GPC5: variants seen among roughly 807,000 people sequenced by gnomAD.
The protein encoded by GPC5 is glypican-5.
A neutral mutation model predicts 53.9 loss-of-function variants in GPC5; 47 were observed. The observed-to-expected ratio is 0.87, with a 90% confidence interval of 0.69 to 1.11. GPC5 has a LOEUF of 1.11. Among genes scored for constraint, GPC5 ranks in the 50% most tolerant of loss-of-function variants. The probability of loss-of-function intolerance (pLI) is 0.00; values close to 1 mark genes in which losing one functional copy is unlikely to be tolerated. For missense variants in GPC5, 748 were observed against 713.1 expected (o/e 1.05, Z -0.56); for synonymous variants, 286 against 263.3 (o/e 1.09, Z -0.84).
At chr13:91,570,173 TC>T (rs2138986860) in intron 2 of GPC5, among the ~76,000 whole-genome samples, 1 of 152,282 alleles carries the variant, frequency 6.6e-6, no homozygotes, top group African/African-American at 2.4e-5. Flanking sequence ...TCTATGTCCA[TC>T]CCGACAAATA....
At position 92,489,467 on chromosome 13, in the gene GPC5, C is replaced by T. The variant is rs149067617; in HGVS notation, c.1561+344478C>T. Among the ~76,000 whole-genome samples, 18 of 152,030 alleles carry T rather than the reference C, an allele frequency of 1.2e-4. No homozygotes were observed. In the East Asian group the frequency reaches 3.5e-3, roughly 29 times the overall value. ...GAGAAGAATTAGGCAAGGTAATTTG[C>T]ATAAAAATTGTGAGATGAGATGGAG... On this transcript the variant is annotated intron_variant, in intron 7 of 7. Transcript: ENST00000377067.
intron 7 of GPC5, among the ~76,000 whole-genome samples, chr13:92,386,307 A>G (rs974639370): frequency 2.0e-5 from 3 of 152,044 alleles, no homozygotes; most frequent in African/African-American, 7.2e-5. Context: ...TTAGCTCTAC[A>G]TAGAGAAACA....
chr13:91,813,692 A>T (rs925484682), intron 5 of GPC5, among the ~76,000 whole-genome samples: 3 of 152,156 alleles, frequency 2.0e-5, no homozygotes, highest in Non-Finnish European at 2.9e-5. Flanking sequence ...CATTGAACTG[A>T]TTCAAATTTC....
chr13:92,663,141 G>A (rs992748156), intron 7 of GPC5, among the ~76,000 whole-genome samples: 9 of 152,136 alleles, frequency 5.9e-5, no homozygotes, highest in Admixed American at 5.9e-4. Flanking sequence ...CCTACCTCAG[G>A]TGAGGGAAGT....
At chr13:91,456,153 C>A (rs992860575) in intron 2 of GPC5, among the ~76,000 whole-genome samples, 2 of 152,040 alleles carry the variant, frequency 1.3e-5, no homozygotes, top group Non-Finnish European at 2.9e-5. Context: ...AAATACCCAC[C>A]GCAGGGCTCT....
At chr13:91,896,722 T>G (rs1444291432) in intron 5 of GPC5, among the ~76,000 whole-genome samples, 1 of 152,152 alleles carries the variant, frequency 6.6e-6, no homozygotes, top group Non-Finnish European at 1.5e-5. Context: ...ATGCACATTT[T>G]TCCTATACTG....
At chr13:92,402,727 CA>C (rs11343984) in intron 7 of GPC5, among the ~76,000 whole-genome samples, 1,609 of 152,202 alleles carry the variant, frequency 0.011, 30 homozygotes, top group African/African-American at 0.037. Flanking sequence ...AAGTGGAAGC[CA>C]AAAAGCTTCT....
chr13:92,071,382 G>A (rs1416066548), intron 6 of GPC5, among the ~76,000 whole-genome samples: 1 of 152,068 alleles, frequency 6.6e-6, no homozygotes, highest in Non-Finnish European at 1.5e-5. Flanking sequence ...TTCAAGTTCA[G>A]ATAAACTATT....
intron 5 of GPC5, among the ~76,000 whole-genome samples, chr13:91,874,612 T>G (rs2039182605): frequency 6.6e-6 from 1 of 152,134 alleles, no homozygotes; most frequent in South Asian, 2.1e-4. Context: ...CAATGCACAT[T>G]TGTTAGGATT....
intron 6 of GPC5, among the ~76,000 whole-genome samples, chr13:91,964,225 A>G (rs945871360): frequency 6.6e-6 from 1 of 152,180 alleles, no homozygotes; most frequent in Non-Finnish European, 1.5e-5. Flanking sequence ...AGACCCAAAG[A>G]GTGAGCAGCA....
intron 7 of GPC5, among the ~76,000 whole-genome samples, chr13:92,549,332 AT>A (rs1266264546): frequency 6.6e-6 from 1 of 152,018 alleles, no homozygotes; most frequent in Non-Finnish European, 1.5e-5. Context: ...AACCTTTTTT[AT>A]TTTTCTGACG....
At chr13:92,295,821 A>G (rs2043030484) in intron 7 of GPC5, among the ~76,000 whole-genome samples, 1 of 151,640 alleles carries the variant, frequency 6.6e-6, no homozygotes, top group East Asian at 1.9e-4. Flanking sequence ...GTCTTTTTCT[A>G]CCCCCTTTAC....
chr13:91,668,652 C>T (rs2035174096), intron 2 of GPC5, among the ~76,000 whole-genome samples: 1 of 151,958 alleles, frequency 6.6e-6, no homozygotes, highest in Non-Finnish European at 1.5e-5. Flanking sequence ...AAGAAAGATA[C>T]TAGAATGTCA....
chr13:91,434,734 G>A (rs1394800655), intron 1 of GPC5, among the ~76,000 whole-genome samples: 1 of 152,172 alleles, frequency 6.6e-6, no homozygotes, highest in Non-Finnish European at 1.5e-5. Flanking sequence ...AAAGTCATTG[G>A]TGGCTTGATG....
chr13:92,368,063 C>A (rs956744821), intron 7 of GPC5, among the ~76,000 whole-genome samples: 4 of 152,084 alleles, frequency 2.6e-5, no homozygotes, highest in Non-Finnish European at 5.9e-5. Context: ...CGGCTCACTG[C>A]AACCTCTGCC....
intron 6 of GPC5, among the ~76,000 whole-genome samples, chr13:91,950,496 G>A (rs34564338): frequency 2.0e-5 from 3 of 151,826 alleles, no homozygotes; most frequent in African/African-American, 7.3e-5. Context: ...ACTTGGCTCA[G>A]AATGAGAGAT....
intron 7 of GPC5, among the ~76,000 whole-genome samples, chr13:92,525,618 C>T (rs1881247043): frequency 6.6e-6 from 1 of 151,944 alleles, no homozygotes; most frequent in Non-Finnish European, 1.5e-5. Flanking sequence ...AGAGATTCCA[C>T]CTAGTATACT....
At chr13:92,588,376 CAT>C (rs1483291110) in intron 7 of GPC5, among the ~76,000 whole-genome samples, 4 of 152,186 alleles carry the variant, frequency 2.6e-5, no homozygotes, top group African/African-American at 9.7e-5. Flanking sequence ...AGAAAATGCA[CAT>C]GTTTATTGCA....
intron 7 of GPC5, among the ~76,000 whole-genome samples, chr13:92,713,764 C>T (rs1888233056): frequency 6.6e-6 from 1 of 151,878 alleles, no homozygotes; most frequent in African/African-American, 2.4e-5. Flanking sequence ...TGTATTATTT[C>T]TTATTTAGAC....
Sources: allele counts gnomAD v4.1 joint callset (sites outside exome capture counted in the v4.1 genomes callset), GRCh38; gene constraint gnomAD v4.1.1; transcripts MANE v1.5; gene names NCBI Gene and HGNC (gene_info 2026-07-23, HGNC 2026-07-21).